LRFN5: variants seen among roughly 807,000 people sequenced by gnomAD.
The protein encoded by LRFN5 is leucine-rich repeat and fibronectin type-III domain-containing protein 5.
In LRFN5, 24 loss-of-function variants were observed where a neutral mutation model predicts 45.6. The ratio of observed to expected loss-of-function variants is 0.53; its 90% CI spans 0.38 to 0.74. LRFN5 has a LOEUF of 0.74. Ranked by LOEUF, LRFN5 falls within the 30% of genes least tolerant of loss-of-function variation. The probability of loss-of-function intolerance (pLI) is 0.00; values close to 1 mark genes in which losing one functional copy is unlikely to be tolerated. For missense variants in LRFN5, 776 were observed against 861.5 expected (o/e 0.90, Z 1.24); for synonymous variants, 340 against 313.8 (o/e 1.08, Z -0.88).
intron 2 of LRFN5, among the ~76,000 whole-genome samples, chr14:41,879,082 C>T (rs1890284746): frequency 6.6e-6 from 1 of 151,624 alleles, no homozygotes; most frequent in Non-Finnish European, 1.5e-5. Context: ...AGGGAGTAGT[C>T]CAGATTTTAT....
intron 1 of LRFN5, among the ~76,000 whole-genome samples, chr14:41,671,604 A>ATTTTTTTTTTCG (rs1566613117): frequency 4.4e-5 from 4 of 91,078 alleles, no homozygotes; most frequent in African/African-American, 1.4e-4. Context: ...TGGAGGAGAG[A>ATTTTTTTTTTCG]TTTTTTTTTT....
intron 2 of LRFN5, among the ~76,000 whole-genome samples, chr14:41,768,313 C>T (rs1350350418): frequency 6.6e-6 from 1 of 151,968 alleles, no homozygotes; most frequent in Non-Finnish European, 1.5e-5. Context: ...ACTTTTAAGA[C>T]ATATACAAAA....
chr14:41,640,716 A>G (rs1006327256), intron 1 of LRFN5, among the ~76,000 whole-genome samples: 5 of 152,154 alleles, frequency 3.3e-5, no homozygotes, highest in East Asian at 1.9e-4. Flanking sequence ...TGCAAAAACT[A>G]TTGTACAAAT....
At chr14:41,759,505 A>C (rs955629333) in intron 1 of LRFN5, among the ~76,000 whole-genome samples, 9 of 148,068 alleles carry the variant, frequency 6.1e-5, no homozygotes, top group Non-Finnish European at 1.3e-4. Flanking sequence ...ACACAGAGAG[A>C]GCACCAGAAA....
At chr14:41,674,213 A>G (rs1446080566) in intron 1 of LRFN5, among the ~76,000 whole-genome samples, 2 of 120,656 alleles carry the variant, frequency 1.7e-5, no homozygotes, top group African/African-American at 6.5e-5. Flanking sequence ...TGACCCCCCC[A>G]CCTCCCTCCC....
Position 41,887,574 on chromosome 14 carries a change from G to A in LRFN5, c.949G>A (p.Ala317Thr), listed in dbSNP as rs1890619355. The A allele has an allele frequency of 6.2e-7, 1 of 1,614,086 alleles. No homozygotes were observed. Among genetic ancestry groups the A allele is most frequent in the Admixed American group, 1.7e-5 (1 of 60,004 alleles). Residue 317 changes from alanine to threonine, a missense_variant, in exon 3 of 6, where the codon GCA (alanine) becomes ACA (threonine). Transcript: ENST00000298119. The surrounding 1 kb of genome is among the most constrained non-coding windows in gnomAD (Gnocchi z 4.8). ...RCKARGDPEP[A>T]IHWISPEGKL... ...CAAAGCCAGGGGAGACCCTGAGCCTGCAATTCACTGGATTTCTCCTGAAGG... is the reference window on the plus strand; with the variant it reads ...CAAAGCCAGGGGAGACCCTGAGCCTACAATTCACTGGATTTCTCCTGAAGG...
intron 2 of LRFN5, among the ~76,000 whole-genome samples, chr14:41,795,129 C>T (rs561260241): frequency 3.3e-5 from 5 of 152,086 alleles, no homozygotes; most frequent in Non-Finnish European, 1.5e-5. Context: ...AGGCTTCAGA[C>T]ATTTTTCAAA....
chr14:41,897,900 A>G (rs1245962113), intron 4 of LRFN5, among the ~76,000 whole-genome samples: 1 of 152,116 alleles, frequency 6.6e-6, no homozygotes, highest in African/African-American at 2.4e-5. Flanking sequence ...CACATAGGCT[A>G]TGTACATATT....
intron 2 of LRFN5, among the ~76,000 whole-genome samples, chr14:41,863,156 C>T (rs1389575062): frequency 6.6e-6 from 1 of 152,158 alleles, no homozygotes; most frequent in African/African-American, 2.4e-5. Context: ...TGAGCCACCA[C>T]GCCCAGCCTA....
At chr14:41,645,918 T>C (rs1879794430) in intron 1 of LRFN5, among the ~76,000 whole-genome samples, 1 of 152,174 alleles carries the variant, frequency 6.6e-6, no homozygotes, top group Non-Finnish European at 1.5e-5. Flanking sequence ...AGCAACTTCA[T>C]GAAAATTAAC....
At chr14:41,649,374 A>G (rs1217853823) in intron 1 of LRFN5, among the ~76,000 whole-genome samples, 1 of 152,168 alleles carries the variant, frequency 6.6e-6, no homozygotes, top group Non-Finnish European at 1.5e-5. Context: ...TTGGAAAAGC[A>G]CTTGAGTAAA....
intron 2 of LRFN5, among the ~76,000 whole-genome samples, chr14:41,849,116 G>A (rs1429010051): frequency 1.3e-5 from 2 of 151,926 alleles, no homozygotes; most frequent in Non-Finnish European, 2.9e-5. Context: ...AGAAATGGTG[G>A]CATGAAATTC....
chr14:41,624,196 T>C (rs1439760355), intron 1 of LRFN5, among the ~76,000 whole-genome samples: 1 of 152,076 alleles, frequency 6.6e-6, no homozygotes, highest in Non-Finnish European at 1.5e-5. Flanking sequence ...TAAACATACT[T>C]TGAAATATTT....
chr14:41,762,885 CA>C (rs2138873008), intron 1 of LRFN5, among the ~76,000 whole-genome samples: 1 of 152,176 alleles, frequency 6.6e-6, no homozygotes, highest in South Asian at 2.1e-4. Context: ...TCATTTTTAA[CA>C]CAAAGTAAAT....
intron 1 of LRFN5, chr14:41,699,593 C>G (rs1882754783): frequency 6.6e-6 from 1 of 152,118 alleles, no homozygotes; most frequent in East Asian, 1.9e-4. Flanking sequence ...TTCAGCAGGA[C>G]TGTTTTATCT....
At chr14:41,723,036 G>A (rs1195340870) in intron 1 of LRFN5, among the ~76,000 whole-genome samples, 1 of 152,188 alleles carries the variant, frequency 6.6e-6, no homozygotes, top group Non-Finnish European at 1.5e-5. Context: ...AGTAGGTGGG[G>A]TAGCCTCAAC....
At chr14:41,785,912 A>C (rs977492441) in intron 2 of LRFN5, among the ~76,000 whole-genome samples, 4 of 152,274 alleles carry the variant, frequency 2.6e-5, no homozygotes, top group Admixed American at 2.6e-4. Context: ...AATACAAATG[A>C]TGCAGAGCAG....
At position 41,887,567 on chromosome 14, in the gene LRFN5, T is replaced by C. The variant is rs1349536920; in HGVS notation, c.942T>C (p.Pro314=). 6.2e-7 allele frequency: 1 copy of C among 1,614,206 alleles called. No homozygotes were observed. Among genetic ancestry groups the C allele is most frequent in the African/African-American group, 1.3e-5 (1 of 75,070 alleles). ...ATLRCKARGD[P]EPAIHWISPE... is the part of the protein sequence containing the mutation. ...TGAGGTGCAAAGCCAGGGGAGACCC[T>C]GAGCCTGCAATTCACTGGATTTCTC... Residue 314 remains proline, a synonymous_variant, in exon 3 of 6, where the codon CCT becomes CCC. Transcript: ENST00000298119. The surrounding 1 kb of genome is among the most constrained non-coding windows in gnomAD (Gnocchi z 4.8).
Position 41,750,977 on chromosome 14 carries a change from C to A in LRFN5, c.-196-15877C>A, listed in dbSNP as rs904313349. ...CCTAATGCTATCCCTCCCTCAGCCC[C>A]CTACGTCCCGACAGGCCCCAGTGTG... On this transcript the variant is annotated intron_variant, in intron 1 of 5. Transcript: ENST00000298119. Among the ~76,000 whole-genome samples, 21 of 152,106 alleles carry A rather than the reference C, an allele frequency of 1.4e-4. 1 individual carries two copies. Among genetic ancestry groups the A allele is most frequent in the African/African-American group, 4.6e-4 (19 of 41,408 alleles).
Sources: allele counts gnomAD v4.1 joint callset (sites outside exome capture counted in the v4.1 genomes callset), GRCh38; gene constraint gnomAD v4.1.1; non-coding constraint Gnocchi (gnomAD v3.1); transcripts MANE v1.5; gene names NCBI Gene and HGNC (gene_info 2026-07-23, HGNC 2026-07-21).